Variants in ARHGEF1 observed in about 807,000 individuals in gnomAD.
ARHGEF1 encodes 115 kDa guanine nucleotide exchange factor.
Under a neutral mutation model 119.7 loss-of-function variants are expected in ARHGEF1, and 40 were observed. That is an observed-to-expected ratio of 0.33 (90% CI 0.26 to 0.44). The LOEUF (loss-of-function observed/expected upper bound fraction) is 0.44, where lower values mean the gene tolerates loss of function less well. Ranked by LOEUF, ARHGEF1 falls within the 20% of genes least tolerant of loss-of-function variation. The probability of loss-of-function intolerance (pLI) is 1.00; values close to 1 mark genes in which losing one functional copy is unlikely to be tolerated. For synonymous variants in ARHGEF1, 494 were observed against 521.0 expected, an observed-to-expected ratio of 0.95 and a Z score of 0.71; for missense variants, 976 against 1,268.3, an observed-to-expected ratio of 0.77 and a Z score of 3.50.
At position 41,888,788 on chromosome 19, in the gene ARHGEF1, G is replaced by C. The variant is rs782796255; in HGVS notation, c.148G>C (p.Glu50Gln). The C allele has an allele frequency of 1.2e-6, 2 of 1,614,100 alleles. No individual in the cohort carries two copies. The highest frequency in any genetic ancestry group is 8.5e-7 in the Non-Finnish European group (1 of 1,180,040). ...GCAAAACAGCCAGTTCCAGAGCCTG[G>C]AGCAGGTGAAGCGGCGCCCAGCCCA... is the stretch of plus-strand genomic sequence containing the variant. ...EEQNSQFQSLEQVKRRPAHLM... is the reference protein window; with the variant it reads ...EEQNSQFQSLQQVKRRPAHLM... The change falls in exon 4 of 29, where the codon GAG (glutamate) becomes CAG (glutamine). Residue 50 changes from glutamate (E) to glutamine (Q), a missense_variant. Around this residue, in one of 3 missense-constraint regions of ARHGEF1, gnomAD observed 519 missense variants for 580.9 expected, o/e 0.89. Transcript: ENST00000354532. This position sits in a 1 kb window ranked among gnomAD's most constrained non-coding sequence, Gnocchi z 5.1.
downstream of ARHGEF1, chr19:41,908,788 G>T: frequency 1.9e-6 from 1 of 540,428 alleles, no homozygotes; most frequent in South Asian, 9.9e-5. This position sits in a 1 kb window ranked among gnomAD's most constrained non-coding sequence, Gnocchi z 6.7. Flanking sequence ...CTCCTACATG[G>T]CATCTTACCC....
intron 1 of ARHGEF1, among the ~76,000 whole-genome samples, chr19:41,925,438 GTA>G (rs1183786230): frequency 3.9e-5 from 6 of 152,120 alleles, no homozygotes; most frequent in African/African-American, 1.4e-4. Context: ...ACGTGTGTGT[GTA>G]AAGTAATGTT....
upstream of ARHGEF1, among the ~76,000 whole-genome samples, chr19:41,918,828 C>T (rs368026299): frequency 5.2e-4 from 78 of 149,994 alleles, 1 homozygote; most frequent in African/African-American, 1.6e-3. Context: ...CTCTCACATA[C>T]GCCACACATG....
At chr19:41,899,623 C>T (rs547024610) in intron 14 of ARHGEF1, among the ~76,000 whole-genome samples, 50 of 151,880 alleles carry the variant, frequency 3.3e-4, no homozygotes, top group Non-Finnish European at 6.0e-4. Context: ...GATTCTCCTG[C>T]CTCAGCCTCC....
downstream of ARHGEF1, chr19:41,908,782 T>C (rs771784890): frequency 3.6e-6 from 2 of 557,290 alleles, no homozygotes; most frequent in African/African-American, 2.0e-5. This position sits in a 1 kb window ranked among gnomAD's most constrained non-coding sequence, Gnocchi z 6.7. Flanking sequence ...GCATCCCTCC[T>C]ACATGGCATC....
At chr19:41,884,388 A>G (rs1371180154) in intron 1 of ARHGEF1, 3 of 1,576,576 alleles carry the variant, frequency 1.9e-6, no homozygotes, top group East Asian at 4.5e-5. Context: ...AGGTGGACTC[A>G]GGGCGGCTAG....
Position 41,917,996 on chromosome 19 carries a change from A to G in ARHGEF1, c.1866-5096A>G, listed in dbSNP as rs1176901055. On this transcript the variant is annotated intron_variant, in intron 18 of 20. Coordinates refer to the ARHGEF1 transcript ENST00000599589. The surrounding 1 kb of genome is among the most constrained non-coding windows in gnomAD (Gnocchi z 4.8). ...GTCCATGTGTACACAGAGCAGGCTC[A>G]GGGGCCGGCCCTCGACAGGCACCAG... Among the ~76,000 whole-genome samples the G allele has an allele frequency of 6.6e-6, 1 of 151,872 alleles. No individual in the cohort carries two copies. The highest frequency in any genetic ancestry group is 1.5e-5 in the Non-Finnish European group (1 of 67,962).
intron 11 of ARHGEF1, among the ~76,000 whole-genome samples, 180 bp from the exon 12 acceptor site, chr19:41,895,169 T>TG (rs1308329838): frequency 7.1e-6 from 1 of 140,526 alleles, no homozygotes; most frequent in Admixed American, 7.0e-5. Flanking sequence ...GAGGAGGGGC[T>TG]GGGGGCCTGG....
At chr19:41,913,569 A>C (rs2074767584) in intron 18 of ARHGEF1, among the ~76,000 whole-genome samples, 4 of 146,876 alleles carry the variant, frequency 2.7e-5, no homozygotes, top group African/African-American at 1.0e-4. Context: ...GGCAGCCCCC[A>C]GCGCCCTGCA....
chr19:41,919,881 C>T (rs888942397), upstream of ARHGEF1, among the ~76,000 whole-genome samples: 1 of 152,138 alleles, frequency 6.6e-6, no homozygotes, highest in Non-Finnish European at 1.5e-5. Context: ...TGGACGGTCA[C>T]ACCAGACGCA....
At chr19:41,927,189 C>A (rs1555853342) in intron 1 of ARHGEF1, among the ~76,000 whole-genome samples, 1 of 152,014 alleles carries the variant, frequency 6.6e-6, no homozygotes, top group Non-Finnish European at 1.5e-5. Context: ...GAGGAGAGAC[C>A]CAGCCAGGGG....
chr19:41,894,347 G>C (rs2074441125), intron 9 of ARHGEF1, 41 bp downstream of exon 9: 1 of 1,517,666 alleles, frequency 6.6e-7, no homozygotes, highest in Non-Finnish European at 8.8e-7. Context: ...TTCCTCTCCA[G>C]AGACGCCCTG....
Position 41,892,361 on chromosome 19 carries a change from G to A in ARHGEF1, c.355G>A (p.Ala119Thr), listed in dbSNP as rs371771035. The part of the protein sequence containing the change: ...VLRVPVPPNV[A>T]FELDRTRADL... ...CCGGGTGCCGGTCCCTCCCAACGTC[G>A]CCTTTGAACTTGGTAAGGAGAAGGA... Residue 119 changes from alanine to threonine, a missense_variant, in exon 6 of 29, where the codon GCC becomes ACC. By Grantham distance (58) the Ala-to-Thr change is moderately conservative. Transcript: ENST00000354532. The surrounding 1 kb of genome is among the most constrained non-coding windows in gnomAD (Gnocchi z 6.3). 2.7e-5 allele frequency: 44 copies of A among 1,613,922 alleles called. No individual in the cohort carries two copies. The highest frequency in any genetic ancestry group is 1.1e-4 in the East Asian group (5 of 44,896).
chr19:41,885,860 C>T (rs1363627717), intron 1 of ARHGEF1, among the ~76,000 whole-genome samples: 1 of 152,166 alleles, frequency 6.6e-6, no homozygotes. Context: ...TCAGGCGATC[C>T]TCTCATCTTA....
rs782228143 is a variant in ARHGEF1 at position 41,905,071 on chromosome 19, G to T, written c.2249+35G>T. The T allele has an allele frequency of 1.9e-6, 3 of 1,611,740 alleles. No homozygotes were observed. In the East Asian group the frequency reaches 6.7e-5, roughly 36 times the overall value. On this transcript the variant is annotated intron_variant, in intron 23 of 28. Coordinates refer to ENST00000354532, the MANE Select transcript of ARHGEF1 (RefSeq NM_004706.4). The surrounding 1 kb of genome is among the most constrained non-coding windows in gnomAD (Gnocchi z 6.4). ...GGTCTGAGTTCTGAGTGTGGGTGGA[G>T]GACGCCCAGGTTTCTGGGTTCCCAG...
At position 41,895,502 on chromosome 19, in the gene ARHGEF1, G is replaced by C; in HGVS notation, c.1015+16G>C. The C allele has an allele frequency of 6.3e-7, 1 of 1,580,726 alleles. No individual in the cohort carries two copies. Among genetic ancestry groups the C allele is most frequent in the African/African-American group, 1.3e-5 (1 of 74,394 alleles). ...CGGGAACCAGGTGAGAGTTTCCTGGGCCAGGGCTCCATGAGGCCCGGCGAT... is the reference window on the plus strand; with the variant it reads ...CGGGAACCAGGTGAGAGTTTCCTGGCCCAGGGCTCCATGAGGCCCGGCGAT... On this transcript the variant is annotated intron_variant, in intron 12 of 28. Transcript: ENST00000354532.
intron 14 of ARHGEF1, among the ~76,000 whole-genome samples, chr19:41,900,603 T>C (rs1555848816): frequency 6.6e-6 from 1 of 152,038 alleles, no homozygotes; most frequent in Non-Finnish European, 1.5e-5. Context: ...TGTGGCTTGA[T>C]GGTTAGACAC....
chr19:41,926,030 A>G (rs1265305484), intron 1 of ARHGEF1, among the ~76,000 whole-genome samples: 1 of 151,898 alleles, frequency 6.6e-6, no homozygotes, highest in Non-Finnish European at 1.5e-5. Context: ...GAGAGGAGGA[A>G]GAGGTGAAGA....
In ARHGEF1 at chr19:41,905,208, C is replaced by A. The variant is rs139829972; in HGVS notation, c.2283C>A (p.Ser761=). ...CTCTCATCACTGAGACTGCCGGATC[C>A]CTGAAAGTCCCTGCCCCTGCCTCTC... ...WCALITETAG[S]LKVPAPASRP... is the part of the protein sequence containing the mutation. The change falls in exon 24 of 29, where the codon TCC becomes TCA. Residue 761 remains serine, a synonymous_variant. Coordinates refer to ENST00000354532, the MANE Select transcript of ARHGEF1 (RefSeq NM_004706.4). The surrounding 1 kb of genome is among the most constrained non-coding windows in gnomAD (Gnocchi z 6.4). 2.8e-5 allele frequency: 45 copies of A among 1,614,046 alleles called. No individual in the cohort carries two copies. In the East Asian group the frequency reaches 1.0e-3, roughly 36 times the overall value.
Sources: gnomAD v4.1 joint callset for allele counts (sites outside exome capture counted in the v4.1 genomes callset) on GRCh38, gnomAD v4.1.1 for gene constraint, gnomAD v4.1.1 regional missense constraint, Gnocchi (gnomAD v3.1) non-coding constraint, MANE v1.5 for transcripts, NCBI Gene and HGNC (gene_info 2026-07-23, HGNC 2026-07-21) for gene names.